Variants in ADCY9 observed in about 807,000 individuals in gnomAD.
The protein encoded by ADCY9 is adenylate cyclase type 9.
Under a neutral mutation model 101.5 loss-of-function variants are expected in ADCY9, and 50 were observed. That is an observed-to-expected ratio of 0.49 (90% CI 0.39 to 0.62). The LOEUF is 0.62. ADCY9 is among the 20% of genes least tolerant of loss of function. The pLI, the probability that ADCY9 is intolerant of heterozygous loss-of-function variation, is 0.00. For synonymous variants in ADCY9, 905 were observed against 769.3 expected, an observed-to-expected ratio of 1.18 and a Z score of -2.92; for missense variants, 1,662 against 1,800.4, an observed-to-expected ratio of 0.92 and a Z score of 1.39.
intron 2 of ADCY9, among the ~76,000 whole-genome samples, chr16:4,088,559 G>C (rs1277523926): frequency 6.6e-6 from 1 of 151,882 alleles, no homozygotes; most frequent in East Asian, 1.9e-4. Flanking sequence ...CGAAGTGCTG[G>C]GATGACAGGC....
At chr16:4,037,653 C>G (rs1005666005) in intron 2 of ADCY9, among the ~76,000 whole-genome samples, 1 of 152,104 alleles carries the variant, frequency 6.6e-6, no homozygotes, top group African/African-American at 2.4e-5. Context: ...ATTCTAATAG[C>G]CATTCTGACT....
chr16:4,064,928 A>G (rs1468143004), intron 2 of ADCY9, among the ~76,000 whole-genome samples: 1 of 152,012 alleles, frequency 6.6e-6, no homozygotes, highest in African/African-American at 2.4e-5. Flanking sequence ...TGCCCAGTCC[A>G]CTCCTGATTC....
In ADCY9 at chr16:4,007,497, C is replaced by G; in HGVS notation, c.1755G>C (p.Glu585Asp). The stretch of plus-strand genomic sequence containing the variant: ...TGACCTCAAAGCCAGAAAGCAAGGC[C>G]TCTGCACAGCTGCAGCGAGACTCCT... ...RAKESRCSCA[E>D]ALLSGFEVID... Residue 585 changes from glutamate to aspartate, a missense_variant, in exon 3 of 11, where the codon GAG (glutamate) becomes GAC (aspartate). Physicochemically the swap from Glu to Asp is conservative, Grantham distance 45 (BLOSUM62 2). Around this residue, in one of 5 missense-constraint regions of ADCY9, gnomAD observed 624 missense variants for 639.1 expected, o/e 0.98. Transcript: ENST00000294016. 2 of 1,614,100 alleles carry G rather than the reference C, an allele frequency of 1.2e-6. No homozygotes were observed. The highest frequency in any genetic ancestry group is 1.7e-6 in the Non-Finnish European group (2 of 1,180,018).
At chr16:3,998,110 G>C (rs1278973869) in intron 3 of ADCY9, among the ~76,000 whole-genome samples, 1 of 151,974 alleles carries the variant, frequency 6.6e-6, no homozygotes, top group Non-Finnish European at 1.5e-5. Flanking sequence ...CCTTTTGAGG[G>C]ATAATTTTCT....
chr16:4,026,565 T>C (rs1182526192), intron 2 of ADCY9, among the ~76,000 whole-genome samples: 1 of 152,062 alleles, frequency 6.6e-6, no homozygotes, highest in African/African-American at 2.4e-5. Flanking sequence ...GCACTATTCA[T>C]AATTGCCAAA....
At chr16:3,961,412 C>A (rs556938141), downstream of ADCY9, among the ~76,000 whole-genome samples, 1 of 151,464 alleles carries the variant, frequency 6.6e-6, no homozygotes, top group Admixed American at 6.6e-5. Context: ...ATGGTCACTG[C>A]ACTCCAGCCT....
At chr16:3,961,675 A>C (rs539057352), downstream of ADCY9, among the ~76,000 whole-genome samples, 3 of 152,252 alleles carry the variant, frequency 2.0e-5, no homozygotes, top group East Asian at 5.8e-4. Flanking sequence ...CCATGAATTC[A>C]GCTCCCTTTG....
At chr16:4,101,591 T>C (rs1438617267) in intron 2 of ADCY9, among the ~76,000 whole-genome samples, 1 of 152,210 alleles carries the variant, frequency 6.6e-6, no homozygotes, top group East Asian at 1.9e-4. Context: ...ACAGATTATT[T>C]GATCACTGTC....
At chr16:3,978,117 C>T (rs1025731784) in intron 8 of ADCY9, among the ~76,000 whole-genome samples, 1 of 152,176 alleles carries the variant, frequency 6.6e-6, no homozygotes, top group African/African-American at 2.4e-5. Context: ...GTGTCAAGGA[C>T]AGATCAAGCC....
intron 2 of ADCY9, among the ~76,000 whole-genome samples, chr16:4,058,738 A>C (rs2056756570): frequency 1.3e-5 from 2 of 152,170 alleles, no homozygotes; most frequent in African/African-American, 4.8e-5. Context: ...CAAAAGGTGC[A>C]GCGGAACTGA....
chr16:3,993,452 C>T lies in ADCY9; in HGVS notation c.1943G>A (p.Gly648Glu), dbSNP rs773096560. 1 of 1,614,220 alleles carries T rather than the reference C, an allele frequency of 6.2e-7. No individual in the cohort carries two copies. Among genetic ancestry groups the T allele is most frequent in the Non-Finnish European group, 8.5e-7 (1 of 1,180,036 alleles). The change falls in exon 4 of 11, where the codon GGA becomes GAA. Residue 648 changes from glycine (G) to glutamate (E), a missense_variant. By Grantham distance (98) the Gly-to-Glu change is moderately conservative. Coordinates refer to ENST00000294016, the MANE Select transcript of ADCY9 (RefSeq NM_001116.4). Reference protein sequence around the residue: ...APKSEAGAEGGAPQNGCQDEH... With the variant: ...APKSEAGAEGEAPQNGCQDEH... ...GTCTTGGCAGCCGTTTTGAGGTGCTCCTCCCTCGGCGCCGGCTTCAGATTT... is the reference window on the plus strand; with the variant it reads ...GTCTTGGCAGCCGTTTTGAGGTGCTTCTCCCTCGGCGCCGGCTTCAGATTT...
At chr16:4,018,390 T>G (rs921436147) in intron 2 of ADCY9, among the ~76,000 whole-genome samples, 1 of 152,044 alleles carries the variant, frequency 6.6e-6, no homozygotes, top group Non-Finnish European at 1.5e-5. Context: ...TTTTTGTGTT[T>G]TTAGTACAGT....
intron 2 of ADCY9, among the ~76,000 whole-genome samples, chr16:4,055,068 C>T (rs1223636941): frequency 6.6e-6 from 1 of 152,058 alleles, no homozygotes; most frequent in Non-Finnish European, 1.5e-5. Flanking sequence ...GAGAGCAGGG[C>T]CCCCGCGGAA....
At chr16:4,082,566 G>A (rs991992467) in intron 2 of ADCY9, among the ~76,000 whole-genome samples, 12 of 151,704 alleles carry the variant, frequency 7.9e-5, no homozygotes, top group East Asian at 1.9e-4. Flanking sequence ...ATGCACACAC[G>A]CACACACACA....
At chr16:3,979,082 A>G in intron 8 of ADCY9, 34 bp downstream of exon 8, 3 of 1,612,298 alleles carry the variant, frequency 1.9e-6, no homozygotes, top group Non-Finnish European at 2.5e-6. Context: ...AGTCCAGGAG[A>G]GCGTGGAAAT....
intron 10 of ADCY9, among the ~76,000 whole-genome samples, chr16:3,967,986 C>T (rs560766199): frequency 7.3e-5 from 11 of 151,126 alleles, no homozygotes; most frequent in Non-Finnish European, 1.5e-4. Context: ...CCACTGCACC[C>T]GGCTTTTTGC....
At chr16:4,021,784 G>A (rs1450590426) in intron 2 of ADCY9, among the ~76,000 whole-genome samples, 1 of 152,178 alleles carries the variant, frequency 6.6e-6, no homozygotes. Flanking sequence ...CCAGGCTGAA[G>A]TGGCAGGTCC....
chr16:3,994,964 C>T (rs2056275519), intron 3 of ADCY9, among the ~76,000 whole-genome samples: 1 of 151,956 alleles, frequency 6.6e-6, no homozygotes, highest in Admixed American at 6.6e-5. Flanking sequence ...AATTAATGGA[C>T]CTAGAAAAGA....
Position 4,007,565 on chromosome 16 carries a change from T to C in ADCY9, c.1694-7A>G, listed in dbSNP as rs547755653. 3.7e-6 allele frequency: 6 copies of C among 1,601,964 alleles called. No homozygotes were observed. In the Admixed American group the frequency reaches 7.0e-5, roughly 19 times the overall value. On this transcript the variant is annotated splice_polypyrimidine_tract_variant and splice_region_variant and intron_variant, in intron 2 of 10. Coordinates refer to ENST00000294016, the MANE Select transcript of ADCY9 (RefSeq NM_001116.4). The stretch of plus-strand genomic sequence containing the variant: ...ATCAGGTATGTCTTCAAACCTATGA[T>C]GGATAAAAGTTACAGTCAGCACAGA...
Sources: allele counts gnomAD v4.1 joint callset (sites outside exome capture counted in the v4.1 genomes callset), GRCh38; gene constraint gnomAD v4.1.1; regional missense constraint gnomAD v4.1.1; transcripts MANE v1.5; gene names NCBI Gene and HGNC (gene_info 2026-07-23, HGNC 2026-07-21).